Variants in SIL1 observed in about 807,000 individuals in gnomAD.
SIL1 encodes nucleotide exchange factor SIL1.
In SIL1, 40 loss-of-function variants were observed where a neutral mutation model predicts 49.1. That is an observed-to-expected ratio of 0.81 (90% CI 0.63 to 1.06). The LOEUF is 1.06. SIL1 is among the 50% of genes least tolerant of loss of function. SIL1 has a pLI of 0.00. For missense variants in SIL1, 500 were observed against 572.6 expected (o/e 0.87, Z 1.29); for synonymous variants, 253 against 250.8 (o/e 1.01, Z -0.08).
chr5:139,024,594 G>C (rs1456166742), intron 6 of SIL1, among the ~76,000 whole-genome samples: 1 of 152,196 alleles, frequency 6.6e-6, no homozygotes, highest in Non-Finnish European at 1.5e-5. Context: ...TCTGTGTCTT[G>C]ACAAGGATCT....
chr5:139,008,637 G>C (rs1366733635), intron 7 of SIL1, among the ~76,000 whole-genome samples: 87 of 147,420 alleles, frequency 5.9e-4, no homozygotes, highest in African/African-American at 1.3e-3. Flanking sequence ...CTTTGAATGC[G>C]TCCCAGAGAT....
At chr5:139,171,475 G>A (rs1378959019) in intron 1 of SIL1, among the ~76,000 whole-genome samples, 1 of 152,132 alleles carries the variant, frequency 6.6e-6, no homozygotes. Context: ...TGCAAGATGT[G>A]CTTTGTTAAA....
intron 1 of SIL1, among the ~76,000 whole-genome samples, chr5:139,195,292 G>A (rs150963071): frequency 2.0e-3 from 299 of 152,248 alleles, no homozygotes; most frequent in African/African-American, 7.0e-3. Flanking sequence ...CTTTGAGGGT[G>A]AAAACATTTA....
intron 1 of SIL1, among the ~76,000 whole-genome samples, chr5:139,153,254 T>C (rs1751343220): frequency 6.6e-6 from 1 of 152,216 alleles, no homozygotes. Flanking sequence ...CTACTCATCC[T>C]AAAGGCTACA....
intron 7 of SIL1, among the ~76,000 whole-genome samples, chr5:138,978,335 T>TA (rs1767438296): frequency 6.6e-6 from 1 of 152,222 alleles, no homozygotes; most frequent in Non-Finnish European, 1.5e-5. Flanking sequence ...ACTCTGACTT[T>TA]TTAAAAGTTT....
At chr5:139,156,886 TG>T (rs1751416608) in intron 1 of SIL1, among the ~76,000 whole-genome samples, 1 of 152,234 alleles carries the variant, frequency 6.6e-6, no homozygotes, top group Non-Finnish European at 1.5e-5. Context: ...TGTGTTCATC[TG>T]TTACAGCAGC....
At chr5:139,085,489 G>A (rs564553682) in intron 3 of SIL1, among the ~76,000 whole-genome samples, 13 of 152,292 alleles carry the variant, frequency 8.5e-5, no homozygotes, top group Middle Eastern at 3.4e-3. Flanking sequence ...GGAGCTGTTG[G>A]CATGGCTTTG....
chr5:139,049,137 C>G (rs1350370176), intron 4 of SIL1, among the ~76,000 whole-genome samples: 1 of 152,154 alleles, frequency 6.6e-6, no homozygotes, highest in Non-Finnish European at 1.5e-5. Flanking sequence ...TCTCTAGGAC[C>G]TCCTTCTGAT....
At chr5:139,137,003 CT>C (rs778045800) in intron 1 of SIL1, among the ~76,000 whole-genome samples, 13 of 152,134 alleles carry the variant, frequency 8.5e-5, no homozygotes, top group Non-Finnish European at 1.6e-4. Flanking sequence ...ACAATTCTAC[CT>C]TCTCTGGGCT....
chr5:139,055,582 A>G (rs1474594100), intron 3 of SIL1, among the ~76,000 whole-genome samples: 1 of 148,980 alleles, frequency 6.7e-6, no homozygotes, highest in Non-Finnish European at 1.5e-5. Flanking sequence ...TGAAAAGAAC[A>G]TCACTGACTC....
intron 1 of SIL1, among the ~76,000 whole-genome samples, chr5:139,197,216 C>T (rs1752291553): frequency 7.4e-6 from 1 of 135,158 alleles, no homozygotes; most frequent in African/African-American, 2.8e-5. Context: ...TGCTGTGAGT[C>T]GAGATGGCAC....
chr5:138,955,157 A>AG (rs1766874866), intron 7 of SIL1, among the ~76,000 whole-genome samples: 1 of 152,230 alleles, frequency 6.6e-6, no homozygotes, highest in Non-Finnish European at 1.5e-5. Context: ...ATCTGAGTTA[A>AG]GGGGGCGGGG....
chr5:139,112,396 T>A, intron 3 of SIL1, among the ~76,000 whole-genome samples: 1 of 150,494 alleles, frequency 6.6e-6, no homozygotes, highest in Admixed American at 6.6e-5. Flanking sequence ...GTCTAGGAAG[T>A]GAGGAGCGTC....
chr5:139,028,840 A>G, intron 5 of SIL1, among the ~76,000 whole-genome samples: 1 of 152,342 alleles, frequency 6.6e-6, no homozygotes, highest in Middle Eastern at 3.4e-3. Flanking sequence ...CAGAACAATC[A>G]TGCTAGAGAA....
chr5:139,187,285 G>A (rs1172057898), intron 1 of SIL1, among the ~76,000 whole-genome samples: 1 of 152,166 alleles, frequency 6.6e-6, no homozygotes, highest in Non-Finnish European at 1.5e-5. Context: ...TTGGGATGCC[G>A]AGGCGGGTGG....
At chr5:139,169,452 G>A (rs950931707) in intron 1 of SIL1, among the ~76,000 whole-genome samples, 2 of 150,642 alleles carry the variant, frequency 1.3e-5, no homozygotes, top group African/African-American at 4.9e-5. Context: ...GTGTGTGTGT[G>A]TATGTGTGTG....
Position 139,057,286 on chromosome 5 carries a change from T to A in SIL1, c.245-6240A>T, listed in dbSNP as rs374256695. 1.2e-4 allele frequency among the ~76,000 whole-genome samples: 13 copies of A among 108,544 alleles called. No individual in the cohort carries two copies. The East Asian group carries it at 2.6e-3, about 22-fold the overall frequency. The allele number at this position is 108,544 out of a possible 152,430, so 71.2% of individuals were successfully genotyped here. On this transcript the variant is annotated intron_variant, in intron 3 of 9. Coordinates refer to ENST00000394817, the MANE Select transcript of SIL1 (RefSeq NM_022464.5). Reference sequence around the variant, plus strand: ...GTCCTATGACCCAGCCAAATCCCCCTCTGCGAGAAACACCCAAGAATGATC... The same window carrying A: ...GTCCTATGACCCAGCCAAATCCCCCACTGCGAGAAACACCCAAGAATGATC...
chr5:139,047,878 C>T (rs1769200787), intron 4 of SIL1, among the ~76,000 whole-genome samples: 1 of 152,206 alleles, frequency 6.6e-6, no homozygotes, highest in African/African-American at 2.4e-5. Flanking sequence ...CCATTTCAGG[C>T]AGAGACTCTC....
intron 7 of SIL1, among the ~76,000 whole-genome samples, chr5:138,966,393 T>C (rs1028398547): frequency 6.6e-6 from 1 of 152,134 alleles, no homozygotes; most frequent in African/African-American, 2.4e-5. Flanking sequence ...CCCTTCCTCC[T>C]GGTCTTAGGC....
Sources: gnomAD v4.1 joint callset for allele counts (sites outside exome capture counted in the v4.1 genomes callset) on GRCh38, gnomAD v4.1.1 for gene constraint, MANE v1.5 for transcripts, NCBI Gene and HGNC (gene_info 2026-07-23, HGNC 2026-07-21) for gene names.